The following CAPN13 variants were observed in gnomAD, a reference collection of about 807,000 sequenced individuals.
CAPN13 encodes calpain 13, also known as calpain-13.
Under a neutral mutation model 98.4 loss-of-function variants are expected in CAPN13, and 90 were observed. The observed-to-expected ratio is 0.92, with a 90% confidence interval of 0.77 to 1.09. CAPN13 has a LOEUF of 1.09. Among genes scored for constraint, CAPN13 ranks in the 50% least tolerant of loss-of-function variants. The probability of loss-of-function intolerance (pLI) is 0.00; values close to 1 mark genes in which losing one functional copy is unlikely to be tolerated. For synonymous variants in CAPN13, 330 were observed against 305.5 expected (o/e 1.08, Z -0.84); for missense variants, 887 against 841.3 (o/e 1.05, Z -0.67).
chr2:30,775,642 T>C (rs1194121713), intron 4 of CAPN13, among the ~76,000 whole-genome samples: 5 of 152,200 alleles, frequency 3.3e-5, no homozygotes, highest in African/African-American at 1.2e-4. Flanking sequence ...GGCACAGGAA[T>C]AGACAGAGAC....
At chr2:30,778,011 A>G (rs1323681342) in intron 2 of CAPN13, among the ~76,000 whole-genome samples, 1 of 152,256 alleles carries the variant, frequency 6.6e-6, no homozygotes, top group Non-Finnish European at 1.5e-5. Context: ...AGAGGTTTAT[A>G]AACATAATAA....
chr2:30,745,622 C>A, intron 12 of CAPN13, 101 bp downstream of exon 12: 1 of 1,179,430 alleles, frequency 8.5e-7, no homozygotes. Flanking sequence ...ACTGAATTTG[C>A]AGCCACTGAA....
At chr2:30,735,898 T>C (rs1335135712) in intron 18 of CAPN13, among the ~76,000 whole-genome samples, 1 of 152,070 alleles carries the variant, frequency 6.6e-6, no homozygotes, top group African/African-American at 2.4e-5. Context: ...CTGGCCAGTC[T>C]CAGGGTGCAG....
At chr2:30,740,145 A>G (rs1402766078) in intron 15 of CAPN13, among the ~76,000 whole-genome samples, 1 of 137,674 alleles carries the variant, frequency 7.3e-6, no homozygotes, top group Non-Finnish European at 1.5e-5. Flanking sequence ...TCCAGGCTGC[A>G]GTGCAATGGC....
At chr2:30,761,720 T>C (rs1386003995) in intron 7 of CAPN13, among the ~76,000 whole-genome samples, 1 of 152,222 alleles carries the variant, frequency 6.6e-6, no homozygotes, top group African/African-American at 2.4e-5. Flanking sequence ...CTGAGGTCAA[T>C]TTTGGACAAT....
chr2:30,761,069 A>G (rs528091924), intron 7 of CAPN13, among the ~76,000 whole-genome samples: 2 of 152,354 alleles, frequency 1.3e-5, no homozygotes, highest in African/African-American at 4.8e-5. Flanking sequence ...TGCACTGTTC[A>G]TACAGGCCGC....
At chr2:30,750,398 A>AC (rs2147987510) in intron 11 of CAPN13, among the ~76,000 whole-genome samples, 1 of 152,142 alleles carries the variant, frequency 6.6e-6, no homozygotes, top group East Asian at 1.9e-4. Context: ...TGTAAAACAA[A>AC]CCCCTGTGAC....
intron 7 of CAPN13, among the ~76,000 whole-genome samples, chr2:30,761,287 G>A (rs1387086587): frequency 6.6e-6 from 1 of 152,172 alleles, no homozygotes; most frequent in African/African-American, 2.4e-5. Flanking sequence ...CCCAGGGGAG[G>A]TGCTCTGTTT....
intron 1 of CAPN13, among the ~76,000 whole-genome samples, chr2:30,803,255 G>A (rs1675405024): frequency 6.6e-6 from 1 of 152,214 alleles, no homozygotes; most frequent in Non-Finnish European, 1.5e-5. Context: ...TCTGGCTTCA[G>A]ACCTTTGAGA....
At chr2:30,749,887 T>G (rs879764817) in intron 11 of CAPN13, among the ~76,000 whole-genome samples, 2 of 152,152 alleles carry the variant, frequency 1.3e-5, no homozygotes, top group Non-Finnish European at 2.9e-5. Flanking sequence ...GAGATCAGAT[T>G]TTCTTTTGTA....
At chr2:30,775,482 CAAAAT>C (rs995026599) in intron 4 of CAPN13, among the ~76,000 whole-genome samples, 2 of 151,506 alleles carry the variant, frequency 1.3e-5, no homozygotes, top group African/African-American at 4.9e-5. Context: ...AAAAAATAGA[CAAAAT>C]AATTTTAAAA....
intron 4 of CAPN13, among the ~76,000 whole-genome samples, chr2:30,771,156 T>C (rs1255848549): frequency 1.3e-5 from 2 of 152,246 alleles, no homozygotes; most frequent in Non-Finnish European, 2.9e-5. Context: ...ATCTTTAGCA[T>C]TCAACTCTAT....
intron 15 of CAPN13, among the ~76,000 whole-genome samples, chr2:30,740,517 T>G (rs1671602677): frequency 6.6e-6 from 1 of 152,248 alleles, no homozygotes. Context: ...GAGGACAGTT[T>G]GTAGGATTAC....
rs753038476 is a variant in CAPN13, at chr2:30,753,127, T to C, written c.1013A>G (p.Asp338Gly). The stretch of plus-strand genomic sequence containing the variant: ...TCCTTCGTGGAGTGTGTTTCCATGG[T>C]CCAGGGTAATTGGAATTTCGCTACA... Reference protein sequence around the residue: ...FICSEIPITLDHGNTLHEGWS... With the variant: ...FICSEIPITLGHGNTLHEGWS... Residue 338 changes from aspartate (D) to glycine (G), a missense_variant, in exon 10 of 23, where the codon GAC becomes GGC. Coordinates refer to ENST00000295055, the MANE Select transcript of CAPN13 (RefSeq NM_144575.3). 55 of 1,614,014 alleles carry C rather than the reference T, an allele frequency of 3.4e-5. No individual in the cohort carries two copies. The highest frequency in any genetic ancestry group is 4.7e-5 in the Non-Finnish European group (55 of 1,179,860).
At chr2:30,738,569 G>A in intron 15 of CAPN13, 112 bp from the exon 16 acceptor site, 1 of 1,142,074 alleles carries the variant, frequency 8.8e-7, no homozygotes. Flanking sequence ...TCCCCACAAT[G>A]TACCCATCTT....
chr2:30,785,163 C>A (rs2148069124), intron 2 of CAPN13, among the ~76,000 whole-genome samples: 1 of 152,332 alleles, frequency 6.6e-6, no homozygotes, highest in African/African-American at 2.4e-5. Flanking sequence ...CATCCAAATT[C>A]CAGCAGAGTC....
intron 1 of CAPN13, among the ~76,000 whole-genome samples, chr2:30,789,793 A>G (rs1258414082): frequency 6.6e-6 from 1 of 152,222 alleles, no homozygotes; most frequent in East Asian, 1.9e-4. Context: ...TTTGAGCAGG[A>G]AAGGACTGTG....
At chr2:30,788,511 T>C (rs546802488) in intron 1 of CAPN13, among the ~76,000 whole-genome samples, 2 of 152,282 alleles carry the variant, frequency 1.3e-5, no homozygotes, top group Admixed American at 1.3e-4. Flanking sequence ...TTGAAAAACC[T>C]CTCTGGTCCT....
intron 1 of CAPN13, among the ~76,000 whole-genome samples, chr2:30,796,460 C>A (rs1366805354): frequency 6.6e-6 from 1 of 151,890 alleles, no homozygotes; most frequent in African/African-American, 2.4e-5. Flanking sequence ...AATCATTGCA[C>A]TGTAATAGTC....
Sources: gnomAD v4.1 joint callset for allele counts (sites outside exome capture counted in the v4.1 genomes callset) on GRCh38, gnomAD v4.1.1 for gene constraint, MANE v1.5 for transcripts, NCBI Gene and HGNC (gene_info 2026-07-23, HGNC 2026-07-21) for gene names.